SLIT3: variants seen among roughly 807,000 people sequenced by gnomAD.
The protein encoded by SLIT3 is slit homolog 3 protein.
A neutral mutation model predicts 184.0 loss-of-function variants in SLIT3; 68 were observed. That is an observed-to-expected ratio of 0.37 (90% CI 0.30 to 0.45). The LOEUF (loss-of-function observed/expected upper bound fraction) is 0.45, where lower values mean the gene tolerates loss of function less well. Among genes scored for constraint, SLIT3 ranks in the 20% least tolerant of loss-of-function variants. SLIT3 has a pLI of 1.00. For missense variants in SLIT3, 1,707 were observed against 2,026.0 expected (o/e 0.84, Z 3.02); for synonymous variants, 831 against 828.6 (o/e 1.00, Z -0.05).
intron 14 of SLIT3, among the ~76,000 whole-genome samples, chr5:168,771,433 C>T (rs1001043455): frequency 1.4e-4 from 21 of 152,254 alleles, no homozygotes; most frequent in African/African-American, 2.4e-4. Flanking sequence ...GTCCTGCCTC[C>T]GCTGTTTGCT....
chr5:169,275,858 C>A (rs954438420), intron 1 of SLIT3, among the ~76,000 whole-genome samples: 9 of 152,098 alleles, frequency 5.9e-5, no homozygotes, highest in Non-Finnish European at 8.8e-5. Flanking sequence ...GAGCTCAGAA[C>A]TGAGCCTGGA....
intron 4 of SLIT3, among the ~76,000 whole-genome samples, chr5:169,098,607 G>C: frequency 6.6e-6 from 1 of 152,178 alleles, no homozygotes; most frequent in East Asian, 1.9e-4. Context: ...ACATGAAATA[G>C]CTCAGCAAAC....
At chr5:168,761,625 G>T (rs1240645226) in intron 15 of SLIT3, among the ~76,000 whole-genome samples, 2 of 152,062 alleles carry the variant, frequency 1.3e-5, no homozygotes, top group African/African-American at 4.8e-5. Context: ...GGAGCAAATG[G>T]CCTAATCTTA....
chr5:168,774,127 C>T lies in SLIT3; in HGVS notation c.1295+108G>A, dbSNP rs893533739. ...TCTAGCTTCCCTGCAGGCTCTAGAA[C>T]TCCTCCTGGATGTGCTCGTGCTGCC... is the stretch of plus-strand genomic sequence containing the variant. On this transcript the variant is annotated intron_variant, in intron 13 of 35. Transcript: ENST00000519560. 3.6e-6 allele frequency: 4 copies of T among 1,096,248 alleles called. No homozygotes were observed. The Admixed American group carries it at 9.4e-5, about 26-fold the overall frequency. 67.9% of individuals were successfully genotyped at this position (1,096,248 alleles called of 1,614,324 possible). A position where few individuals can be genotyped will look rare whatever the true frequency, so the allele number is the denominator to read the frequency against.
intron 2 of SLIT3, among the ~76,000 whole-genome samples, chr5:169,250,039 G>C (rs1765719747): frequency 6.6e-6 from 1 of 152,172 alleles, no homozygotes; most frequent in East Asian, 1.9e-4. Context: ...AGTTTTCTTA[G>C]CTTTCTATAA....
chr5:168,991,519 G>T lies in SLIT3; in HGVS notation c.414-108183C>A, dbSNP rs955415346. ...TGAGTCACAGGCATCACAAACAGTG[G>T]CTTCCCATGTTGGCCTCCCCACTGC... On this transcript the variant is annotated intron_variant, in intron 4 of 35. Coordinates refer to ENST00000519560, the MANE Select transcript of SLIT3 (RefSeq NM_003062.4). Among the ~76,000 whole-genome samples the T allele has an allele frequency of 2.2e-4, 33 of 152,198 alleles. 2 individuals carry two copies. Among genetic ancestry groups the T allele is most frequent in the Non-Finnish European group, 5.9e-5 (4 of 68,026 alleles).
chr5:169,115,963 T>C (rs1187144875), intron 4 of SLIT3, among the ~76,000 whole-genome samples: 1 of 152,164 alleles, frequency 6.6e-6, no homozygotes, highest in Non-Finnish European at 1.5e-5. Flanking sequence ...TTAGGGTAGA[T>C]ACTCTATAAA....
intron 4 of SLIT3, among the ~76,000 whole-genome samples, chr5:169,032,465 G>T: frequency 6.6e-6 from 1 of 151,004 alleles, no homozygotes. Context: ...GTCATATTTA[G>T]TTCATACCAT....
chr5:169,300,537 C>T lies in SLIT3; in HGVS notation c.173G>A (p.Gly58Asp). Residue 58 changes from glycine (G) to aspartate (D), a missense_variant, in exon 1 of 36, where the codon GGC becomes GAC. This residue lies in a region of SLIT3 where 1,307 missense variants were observed against 1,511.6 expected (regional missense o/e 0.86). Transcript: ENST00000519560. This position sits in a 1 kb window ranked among gnomAD's most constrained non-coding sequence, Gnocchi z 4.1. ...CAGGCGCTCAGCGTTGCGGGGGATG[C>T]CCCGAGGAACCGCGCGGAGGCCCAG... ...HGLGLRAVPR[G>D]IPRNAERLDL... 1 of 1,508,416 alleles carries T rather than the reference C, an allele frequency of 6.6e-7. No homozygotes were observed. Among genetic ancestry groups the T allele is most frequent in the Admixed American group, 2.1e-5 (1 of 47,660 alleles). The allele number at this position is 1,508,416 out of a possible 1,614,324, so 93.4% of individuals were successfully genotyped here. A position where few individuals can be genotyped will look rare whatever the true frequency, so the allele number is the denominator to read the frequency against.
Position 168,722,928 on chromosome 5 carries a change from C to T in SLIT3, c.2411+5G>A, listed in dbSNP as rs1370526716. 3 of 1,607,950 alleles carry T rather than the reference C, an allele frequency of 1.9e-6. No homozygotes were observed. ...ATGGTAAACACAGCATCTCAGTGTA[C>T]TCACAGAGTGGAGAGGTGAGACATG... On this transcript the variant is annotated splice_donor_5th_base_variant and intron_variant, in intron 22 of 35. Transcript: ENST00000519560.
At chr5:169,273,835 C>T (rs1766713571) in intron 1 of SLIT3, among the ~76,000 whole-genome samples, 1 of 152,090 alleles carries the variant, frequency 6.6e-6, no homozygotes, top group African/African-American at 2.4e-5. Flanking sequence ...AAATTCCTGA[C>T]CCCAAGGAGC....
At chr5:168,692,839 G>A (rs1761948628) in intron 28 of SLIT3, 139 bp from the exon 29 acceptor site, 3 of 623,210 alleles carry the variant, frequency 4.8e-6, no homozygotes, top group African/African-American at 1.8e-5. Flanking sequence ...TGGACGTCAG[G>A]AGTCCTGTGT....
At chr5:169,166,953 G>T (rs943167602) in intron 4 of SLIT3, among the ~76,000 whole-genome samples, 8 of 152,070 alleles carry the variant, frequency 5.3e-5, no homozygotes, top group African/African-American at 1.4e-4. Context: ...GGATGCTTGA[G>T]GCCAGGAGTT....
chr5:168,771,758 A>C (rs561513483), intron 14 of SLIT3, among the ~76,000 whole-genome samples: 1 of 152,358 alleles, frequency 6.6e-6, no homozygotes, highest in Non-Finnish European at 1.5e-5. Flanking sequence ...GGACTAAAGA[A>C]TTTGACTTAA....
intron 14 of SLIT3, among the ~76,000 whole-genome samples, chr5:168,765,685 G>A (rs901445402): frequency 6.6e-6 from 1 of 152,188 alleles, no homozygotes; most frequent in Admixed American, 6.5e-5. Context: ...GAAATACTTA[G>A]TAATAGAGGA....
rs771955283 is a variant in SLIT3, at chr5:168,696,446, G to A, written c.2943-15C>T. The A allele has an allele frequency of 1.0e-4, 169 of 1,613,828 alleles. No individual in the cohort carries two copies. Among genetic ancestry groups the A allele is most frequent in the Non-Finnish European group, 1.3e-4 (153 of 1,180,020 alleles). Reference sequence around the variant, plus strand: ...GGCAGGAGCAGCTTTGGGATGTGAGGGGTGGAGAGCAGGGGAGTCAGGGGT... The same window carrying A: ...GGCAGGAGCAGCTTTGGGATGTGAGAGGTGGAGAGCAGGGGAGTCAGGGGT... On this transcript the variant is annotated splice_polypyrimidine_tract_variant and intron_variant, in intron 27 of 35. Transcript: ENST00000519560.
At chr5:168,749,745 A>C in intron 18 of SLIT3, 110 bp from the exon 19 acceptor site, 1 of 1,110,722 alleles carries the variant, frequency 9.0e-7, no homozygotes, top group Non-Finnish European at 1.3e-6. Flanking sequence ...GGTCTCAGGA[A>C]GGAAACGTAG....
intron 9 of SLIT3, among the ~76,000 whole-genome samples, chr5:168,800,969 T>C (rs1433355478): frequency 1.3e-5 from 2 of 152,246 alleles, no homozygotes; most frequent in African/African-American, 4.8e-5. Context: ...CCATGTTATG[T>C]TATTTAATCT....
chr5:169,042,484 G>A (rs1395898436), intron 4 of SLIT3, among the ~76,000 whole-genome samples: 2 of 152,096 alleles, frequency 1.3e-5, no homozygotes, highest in South Asian at 2.1e-4. Flanking sequence ...TATCAAATCC[G>A]GTGCCCCTCT....
Sources: allele counts gnomAD v4.1 joint callset (sites outside exome capture counted in the v4.1 genomes callset), GRCh38; gene constraint gnomAD v4.1.1; regional missense constraint gnomAD v4.1.1; non-coding constraint Gnocchi (gnomAD v3.1); transcripts MANE v1.5; gene names NCBI Gene and HGNC (gene_info 2026-07-23, HGNC 2026-07-21).